Variants in TJP1 observed in about 807,000 individuals in gnomAD.
TJP1 encodes tight junction protein 1.
TJP1 carries 43 observed loss-of-function variants against 194.2 expected under a neutral mutation model. That is an observed-to-expected ratio of 0.22 (90% confidence interval 0.17 to 0.29). TJP1 has a LOEUF of 0.29. TJP1 is among the 10% of genes least tolerant of loss of function. The pLI, the probability that TJP1 is intolerant of heterozygous loss-of-function variation, is 1.00. For missense variants in TJP1, 1,971 were observed against 2,185.7 expected (o/e 0.90, Z 1.96); for synonymous variants, 801 against 779.0 (o/e 1.03, Z -0.47).
intron 8 of TJP1, among the ~76,000 whole-genome samples, chr15:29,744,628 G>A (rs1230242010): frequency 2.0e-5 from 3 of 151,568 alleles, no homozygotes; most frequent in Non-Finnish European, 4.4e-5. Flanking sequence ...TCCCAACCTC[G>A]GAAAAACAAA....
intron 2 of TJP1, among the ~76,000 whole-genome samples, chr15:29,850,257 C>T (rs950487193): frequency 1.3e-5 from 2 of 152,226 alleles, no homozygotes; most frequent in Non-Finnish European, 2.9e-5. Context: ...ACCCCCTCAA[C>T]TAAGCTGCTT....
intron 1 of TJP1, among the ~76,000 whole-genome samples, chr15:29,957,175 AGAC>A (rs2055978796): frequency 6.6e-6 from 1 of 152,226 alleles, no homozygotes; most frequent in Admixed American, 6.5e-5. Flanking sequence ...ATGAAAACAC[AGAC>A]AACAAGAAGT....
intron 8 of TJP1, among the ~76,000 whole-genome samples, chr15:29,754,491 A>G (rs889127631): frequency 2.0e-4 from 30 of 152,192 alleles, no homozygotes; most frequent in East Asian, 1.9e-4. Flanking sequence ...ACAAACCTGC[A>G]TATGTACCCC....
chr15:29,848,807 C>A (rs568731274), intron 2 of TJP1, among the ~76,000 whole-genome samples: 1 of 151,360 alleles, frequency 6.6e-6, no homozygotes, highest in African/African-American at 2.4e-5. Flanking sequence ...TGCAGTGAGC[C>A]GAGATCACAC....
chr15:29,762,745 T>C (rs1301761573), intron 5 of TJP1, among the ~76,000 whole-genome samples: 2 of 152,120 alleles, frequency 1.3e-5, no homozygotes, highest in Non-Finnish European at 1.5e-5. Flanking sequence ...ATTGATACAC[T>C]AGCTCTTCAG....
intron 2 of TJP1, among the ~76,000 whole-genome samples, chr15:29,926,291 A>G (rs1482348908): frequency 6.6e-6 from 1 of 152,216 alleles, no homozygotes; most frequent in Non-Finnish European, 1.5e-5. Context: ...CCACAACCAC[A>G]TGAACCTATC....
Position 29,727,004 on chromosome 15 carries a change from A to AG in TJP1, c.2101-14dup. On this transcript the variant is annotated splice_polypyrimidine_tract_variant and intron_variant, in intron 16 of 27. Coordinates refer to ENST00000614355, the MANE Select transcript of TJP1 (RefSeq NM_001330239.4). ...AAGCATGTTTGTCCTAGAAACAGAA[A>AG]GAAAAATATATACAAAGACACAAGA... 6.2e-7 allele frequency: 1 copy of AG among 1,607,956 alleles called. No homozygotes were observed. Among genetic ancestry groups the AG allele is most frequent in the Non-Finnish European group, 8.5e-7 (1 of 1,175,228 alleles).
chr15:29,728,207 T>C (rs1053317150), intron 15 of TJP1, 188 bp from the exon 16 acceptor site: 2 of 464,092 alleles, frequency 4.3e-6, no homozygotes, highest in African/African-American at 2.0e-5. Flanking sequence ...CACTATTTTT[T>C]CAACTACTTT....
intron 8 of TJP1, chr15:29,759,026 TTTAG>T (rs1312299373): frequency 6.6e-6 from 1 of 152,164 alleles, no homozygotes; most frequent in Non-Finnish European, 1.5e-5. Context: ...TAGTTCCCAT[TTTAG>T]TAGAATGCGA....
intron 2 of TJP1, among the ~76,000 whole-genome samples, chr15:29,786,856 T>C (rs2047731782): frequency 6.6e-6 from 1 of 152,232 alleles, no homozygotes; most frequent in Non-Finnish European, 1.5e-5. Flanking sequence ...CACTGTATGC[T>C]GAGTCCAAAC....
chr15:29,770,040 C>A (rs2046559501), intron 4 of TJP1, among the ~76,000 whole-genome samples: 1 of 152,098 alleles, frequency 6.6e-6, no homozygotes, highest in African/African-American at 2.4e-5. Context: ...CCCACTAGGA[C>A]AAACTGTGGA....
intron 2 of TJP1, among the ~76,000 whole-genome samples, chr15:29,833,211 C>A (rs1361744616): frequency 6.6e-6 from 1 of 151,906 alleles, no homozygotes; most frequent in Non-Finnish European, 1.5e-5. Flanking sequence ...AAGAAAATAC[C>A]AAAACATTTT....
At chr15:29,759,019 T>C (rs1422905205) in intron 8 of TJP1, 1 of 152,224 alleles carries the variant, frequency 6.6e-6, no homozygotes, top group East Asian at 1.9e-4. Context: ...CTCTTACTAG[T>C]TCCCATTTTA....
intron 18 of TJP1, among the ~76,000 whole-genome samples, 171 bp from the exon 19 acceptor site, chr15:29,720,879 A>G (rs1220295999): frequency 6.6e-6 from 1 of 152,252 alleles, no homozygotes; most frequent in Non-Finnish European, 1.5e-5. Flanking sequence ...ACACGCAGAC[A>G]CATGGAGCAC....
At chr15:29,727,359 T>C (rs983579889) in intron 16 of TJP1, among the ~76,000 whole-genome samples, 9 of 151,880 alleles carry the variant, frequency 5.9e-5, no homozygotes, top group African/African-American at 2.2e-4. Flanking sequence ...CAAAAACAAA[T>C]ACAAACCAAA....
At chr15:29,710,590 C>T (rs1205322652) in intron 24 of TJP1, among the ~76,000 whole-genome samples, 1 of 152,104 alleles carries the variant, frequency 6.6e-6, no homozygotes, top group Non-Finnish European at 1.5e-5. Flanking sequence ...ACACTACTTC[C>T]AGAAGATTTA....
In TJP1 at chr15:29,937,835, C is replaced by T. The variant is rs371217156; in HGVS notation, c.306+18397G>A. Reference sequence around the variant, plus strand: ...ACCTAGATGTGGAAAAGTACAAAGGCAAGCATTTCCCATCCACTAGAAAAG... The same window carrying T: ...ACCTAGATGTGGAAAAGTACAAAGGTAAGCATTTCCCATCCACTAGAAAAG... On this transcript the variant is annotated intron_variant, in intron 2 of 28. Transcript: ENST00000356107. Among the ~76,000 whole-genome samples, 24 of 152,262 alleles carry T rather than the reference C, an allele frequency of 1.6e-4. 1 individual carries two copies. In the South Asian group the frequency reaches 4.8e-3, roughly 30 times the overall value.
At chr15:29,821,186 T>C (rs1437763781) in intron 1 of TJP1, among the ~76,000 whole-genome samples, 1 of 152,222 alleles carries the variant, frequency 6.6e-6, no homozygotes, top group Non-Finnish European at 1.5e-5. Context: ...CTTTGGCTTT[T>C]TAATGTAATA....
intron 1 of TJP1, among the ~76,000 whole-genome samples, chr15:29,810,653 C>G (rs1196953537): frequency 6.6e-6 from 1 of 152,120 alleles, no homozygotes; most frequent in Non-Finnish European, 1.5e-5. Context: ...TAGCAGAGAA[C>G]TAAGTACAGG....
Sources: allele counts gnomAD v4.1 joint callset (sites outside exome capture counted in the v4.1 genomes callset), GRCh38; gene constraint gnomAD v4.1.1; transcripts MANE v1.5; gene names NCBI Gene and HGNC (gene_info 2026-07-23, HGNC 2026-07-21).